Variants in RBMS1 observed in about 807,000 individuals in gnomAD.
The protein encoded by RBMS1 is RNA-binding motif, single-stranded-interacting protein 1.
A neutral mutation model predicts 62.3 loss-of-function variants in RBMS1; 17 were observed. The ratio of observed to expected loss-of-function variants is 0.27; its 90% CI spans 0.19 to 0.41. The LOEUF is 0.41. Ranked by LOEUF, RBMS1 falls within the 10% of genes least tolerant of loss-of-function variation. The pLI, the probability that RBMS1 is intolerant of heterozygous loss-of-function variation, is 1.00. For missense variants in RBMS1, 334 were observed against 504.5 expected, an observed-to-expected ratio of 0.66 and a Z score of 3.24; for synonymous variants, 172 against 170.0, an observed-to-expected ratio of 1.01 and a Z score of -0.09.
At chr2:160,375,023 T>A (rs1045959433) in intron 1 of RBMS1, among the ~76,000 whole-genome samples, 2 of 152,078 alleles carry the variant, frequency 1.3e-5, no homozygotes, top group African/African-American at 4.8e-5. Context: ...ATGAGTATTA[T>A]CCCTGGAAGG....
chr2:160,311,244 A>ATATATC (rs1689889145), intron 4 of RBMS1, among the ~76,000 whole-genome samples: 3 of 88,892 alleles, frequency 3.4e-5, no homozygotes, highest in Non-Finnish European at 7.7e-5. Flanking sequence ...ATATATATAT[A>ATATATC]TATATATATA....
At chr2:160,381,079 A>G (rs1694262528) in intron 1 of RBMS1, among the ~76,000 whole-genome samples, 1 of 152,200 alleles carries the variant, frequency 6.6e-6, no homozygotes, top group Non-Finnish European at 1.5e-5. Context: ...CCAGGAATAC[A>G]TGTAGAAACT....
At chr2:160,276,339 TACCACCACC>T (rs373432177) in intron 12 of RBMS1, among the ~76,000 whole-genome samples, 92 of 150,844 alleles carry the variant, frequency 6.1e-4, no homozygotes, top group Non-Finnish European at 1.1e-3. Context: ...AAAATACTAC[TACCACCACC>T]ACCACCACCA....
chr2:160,401,205 C>T (rs1055491501), intron 1 of RBMS1, among the ~76,000 whole-genome samples: 2 of 152,118 alleles, frequency 1.3e-5, no homozygotes, highest in Non-Finnish European at 2.9e-5. Flanking sequence ...ATACAATTGA[C>T]AAACAAAAGA....
intron 1 of RBMS1, among the ~76,000 whole-genome samples, chr2:160,484,147 AT>A (rs1685486932): frequency 6.6e-6 from 1 of 151,874 alleles, no homozygotes; most frequent in Non-Finnish European, 1.5e-5. Flanking sequence ...CCTGGGTAAG[AT>A]TCTTAACCTG....
chr2:160,331,329 A>G (rs1691259001), intron 2 of RBMS1, among the ~76,000 whole-genome samples: 1 of 152,110 alleles, frequency 6.6e-6, no homozygotes, highest in Non-Finnish European at 1.5e-5. Flanking sequence ...GAAATTTAGC[A>G]TCTTTCTGCA....
intron 1 of RBMS1, among the ~76,000 whole-genome samples, chr2:160,462,027 T>C (rs192060622): frequency 0.011 from 1,623 of 151,858 alleles, 15 homozygotes; most frequent in Non-Finnish European, 0.017. Context: ...CAGATAGCCC[T>C]GAACAACAGA....
chr2:160,466,851 T>A, intron 1 of RBMS1, among the ~76,000 whole-genome samples: 1 of 152,242 alleles, frequency 6.6e-6, no homozygotes, highest in Non-Finnish European at 1.5e-5. Flanking sequence ...GCTCAACTCC[T>A]TACCTGCCAT....
chr2:160,422,551 A>G (rs1461605096), intron 1 of RBMS1, among the ~76,000 whole-genome samples: 1 of 151,962 alleles, frequency 6.6e-6, no homozygotes, highest in Admixed American at 6.6e-5. Context: ...TTTCTCCCTC[A>G]TTCTCTTTAT....
chr2:160,314,626 T>C (rs1455484123), intron 3 of RBMS1, among the ~76,000 whole-genome samples: 1 of 152,118 alleles, frequency 6.6e-6, no homozygotes, highest in African/African-American at 2.4e-5. Context: ...GAGCAGACTA[T>C]TGACTACAGA....
chr2:160,296,065 G>A lies in RBMS1; in HGVS notation c.640+4586C>T, dbSNP rs185619413. Among the ~76,000 whole-genome samples, 5 of 152,360 alleles carry A rather than the reference G, an allele frequency of 3.3e-5. No homozygotes were observed. In the East Asian group the frequency reaches 7.7e-4, roughly 24 times the overall value. On this transcript the variant is annotated intron_variant, in intron 6 of 13. Transcript: ENST00000348849. ...ACACCGTAGGAGCAAGAAAACGCCAGCTGGGCACAGGTGCTCAATGCCGGA... is the reference window on the plus strand; with the variant it reads ...ACACCGTAGGAGCAAGAAAACGCCAACTGGGCACAGGTGCTCAATGCCGGA...
At chr2:160,342,582 A>C (rs1691930927) in intron 2 of RBMS1, among the ~76,000 whole-genome samples, 2 of 151,986 alleles carry the variant, frequency 1.3e-5, no homozygotes, top group Admixed American at 1.3e-4. Context: ...CCATTACCCC[A>C]TTACCAGTGA....
chr2:160,448,290 C>T (rs1292645516), intron 1 of RBMS1, among the ~76,000 whole-genome samples: 1 of 150,528 alleles, frequency 6.6e-6, no homozygotes, highest in South Asian at 2.1e-4. Context: ...TCCCCCTCCC[C>T]CTCCCCCTCC....
chr2:160,290,928 G>C (rs773849516), intron 6 of RBMS1, among the ~76,000 whole-genome samples: 4 of 152,148 alleles, frequency 2.6e-5, no homozygotes, highest in Non-Finnish European at 4.4e-5. Flanking sequence ...ATAAGGCTCA[G>C]GCTGACTTGC....
intron 1 of RBMS1, among the ~76,000 whole-genome samples, chr2:160,443,574 T>A (rs1683511833): frequency 6.6e-6 from 1 of 151,862 alleles, no homozygotes; most frequent in Non-Finnish European, 1.5e-5. Flanking sequence ...CCCCACTCTC[T>A]CTCTGGTTCC....
chr2:160,401,626 C>T (rs535437381), intron 1 of RBMS1, among the ~76,000 whole-genome samples: 11 of 152,210 alleles, frequency 7.2e-5, no homozygotes, highest in South Asian at 2.1e-4. Context: ...AATGCAAAGA[C>T]GATATCTTTG....
chr2:160,371,831 T>G (rs1205641400), intron 1 of RBMS1, among the ~76,000 whole-genome samples: 1 of 152,142 alleles, frequency 6.6e-6, no homozygotes, highest in Non-Finnish European at 1.5e-5. Flanking sequence ...TGATGCCTCC[T>G]TCCCGCCAGA....
intron 1 of RBMS1, among the ~76,000 whole-genome samples, chr2:160,429,790 A>T (rs1160495553): frequency 6.6e-6 from 1 of 152,184 alleles, no homozygotes; most frequent in East Asian, 1.9e-4. Flanking sequence ...CCTGCCCACA[A>T]TCCCTCCCAC....
At position 160,275,746 on chromosome 2, in the gene RBMS1, T is replaced by C. The variant is rs761974313; in HGVS notation, c.1144-32A>G. 5 of 1,613,056 alleles carry C rather than the reference T, an allele frequency of 3.1e-6. No individual in the cohort carries two copies. In the East Asian group the frequency reaches 8.9e-5, roughly 29 times the overall value. On this transcript the variant is annotated intron_variant, in intron 12 of 13. Coordinates refer to ENST00000348849, the MANE Select transcript of RBMS1 (RefSeq NM_016836.4). ...CAAACAAAGCAGAATGGATGAGACATGTTAGTGAAAAAACCTCAGCTCTGC... is the reference window on the plus strand; with the variant it reads ...CAAACAAAGCAGAATGGATGAGACACGTTAGTGAAAAAACCTCAGCTCTGC...
Sources: gnomAD v4.1 joint callset for allele counts (sites outside exome capture counted in the v4.1 genomes callset) on GRCh38, gnomAD v4.1.1 for gene constraint, MANE v1.5 for transcripts, NCBI Gene and HGNC (gene_info 2026-07-23, HGNC 2026-07-21) for gene names.